PPFIA2: variants seen among roughly 807,000 people sequenced by gnomAD.
PPFIA2 encodes the protein liprin-alpha-2.
Under a neutral mutation model 175.5 loss-of-function variants are expected in PPFIA2, and 46 were observed. The ratio of observed to expected loss-of-function variants is 0.26; its 90% CI spans 0.21 to 0.34. The LOEUF (loss-of-function observed/expected upper bound fraction) is 0.34, where lower values mean the gene tolerates loss of function less well. Among genes scored for constraint, PPFIA2 ranks in the 10% least tolerant of loss-of-function variants. The pLI is 1.00. For missense variants in PPFIA2, 1,179 were observed against 1,506.1 expected, an observed-to-expected ratio of 0.78 and a Z score of 3.60; for synonymous variants, 568 against 511.4, an observed-to-expected ratio of 1.11 and a Z score of -1.49.
At position 81,708,078 on chromosome 12, in the gene PPFIA2, C is replaced by T. The variant is rs1427961253; in HGVS notation, c.250-31234G>A. Among the ~76,000 whole-genome samples the T allele has an allele frequency of 4.0e-5, 6 of 149,038 alleles. No individual in the cohort carries two copies. The East Asian group carries it at 6.0e-4, about 15-fold the overall frequency. On this transcript the variant is annotated intron_variant, in intron 3 of 32. Coordinates refer to ENST00000549396, the MANE Select transcript of PPFIA2 (RefSeq NM_003625.5). ...GGGAGATATACCTAATGCTAGATGACGAGTTAGTGGGTGCAGCGCACCAGC... is the reference window on the plus strand; with the variant it reads ...GGGAGATATACCTAATGCTAGATGATGAGTTAGTGGGTGCAGCGCACCAGC...
rs1351921071 is a variant in PPFIA2 at position 81,626,344 on chromosome 12, C to A, written c.303+50447G>T. Among the ~76,000 whole-genome samples the A allele has an allele frequency of 3.3e-5, 5 of 151,868 alleles. No homozygotes were observed. In the East Asian group the frequency reaches 9.7e-4, roughly 29 times the overall value. ...TATTTTCTTCTAAAGTGGCCTATTC[C>A]AACTTATAAAACCCCAAATTTTAAG... is the stretch of plus-strand genomic sequence containing the variant. On this transcript the variant is annotated intron_variant, in intron 4 of 32. Coordinates refer to ENST00000549396, the MANE Select transcript of PPFIA2 (RefSeq NM_003625.5).
chr12:81,356,416 A>G (rs1178570029), intron 16 of PPFIA2, among the ~76,000 whole-genome samples: 1 of 152,144 alleles, frequency 6.6e-6, no homozygotes, highest in Admixed American at 6.6e-5. Context: ...TAATCCCAGC[A>G]CTTTGGGAGG....
rs570828152 is a variant in PPFIA2 at position 81,462,291 on chromosome 12, A to G, written c.304-4425T>C. ...TATATATATATGTTAGAAAACATAT[A>G]TATATATATATGTTTTCTAAAAGAC... On this transcript the variant is annotated intron_variant, in intron 4 of 32. Transcript: ENST00000549396. Among the ~76,000 whole-genome samples the G allele has an allele frequency of 6.3e-5, 9 of 143,646 alleles. No homozygotes were observed. The East Asian group carries it at 1.4e-3, about 23-fold the overall frequency. The allele number at this position is 143,646 out of a possible 152,430, so 94.2% of individuals were successfully genotyped here.
chr12:81,546,141 A>T (rs555861730), intron 4 of PPFIA2: 1 of 153,194 alleles, frequency 6.5e-6, no homozygotes, highest in African/African-American at 2.4e-5. Context: ...AAAAAAAAAA[A>T]AAAAAATTCA....
chr12:81,388,396 A>G (rs1442772436), intron 8 of PPFIA2, among the ~76,000 whole-genome samples: 1 of 152,154 alleles, frequency 6.6e-6, no homozygotes, highest in Non-Finnish European at 1.5e-5. Context: ...GATACAAAAG[A>G]GTACATAATG....
chr12:81,699,543 C>T (rs977743906), intron 3 of PPFIA2, among the ~76,000 whole-genome samples: 2 of 118,808 alleles, frequency 1.7e-5, no homozygotes, highest in African/African-American at 5.2e-5. Flanking sequence ...TAATAATATC[C>T]TCTCTAAAAC....
At chr12:81,398,230 G>C (rs754504637) in intron 8 of PPFIA2, among the ~76,000 whole-genome samples, 5 of 152,000 alleles carry the variant, frequency 3.3e-5, no homozygotes, top group Non-Finnish European at 5.9e-5. Flanking sequence ...GCAAAGGAAA[G>C]AGCAGTAAAA....
At chr12:81,578,879 C>T (rs1423504752) in intron 4 of PPFIA2, among the ~76,000 whole-genome samples, 4 of 151,786 alleles carry the variant, frequency 2.6e-5, no homozygotes, top group African/African-American at 9.7e-5. Flanking sequence ...GTGATTGATA[C>T]ACCTCTTAAA....
chr12:81,698,996 C>T (rs894149857), intron 3 of PPFIA2, among the ~76,000 whole-genome samples: 1 of 152,040 alleles, frequency 6.6e-6, no homozygotes, highest in African/African-American at 2.4e-5. Flanking sequence ...TGAAAGCAGA[C>T]ATTTCTACTA....
chr12:81,318,388 T>C (rs1037254209), intron 22 of PPFIA2, among the ~76,000 whole-genome samples: 3 of 151,776 alleles, frequency 2.0e-5, no homozygotes, highest in African/African-American at 7.2e-5. Flanking sequence ...TTGCCTACCT[T>C]GTAGAAAGTT....
intron 4 of PPFIA2, among the ~76,000 whole-genome samples, chr12:81,492,205 AC>A (rs951492653): frequency 2.7e-4 from 41 of 151,874 alleles, no homozygotes; most frequent in African/African-American, 9.6e-4. Flanking sequence ...AAAAAAACCC[AC>A]AAAAAGTCTC....
At chr12:81,665,807 T>C (rs1350178437) in intron 4 of PPFIA2, among the ~76,000 whole-genome samples, 5 of 151,938 alleles carry the variant, frequency 3.3e-5, no homozygotes, top group Non-Finnish European at 5.9e-5. Context: ...CAAAAGAAAC[T>C]ACCATCAGAG....
chr12:81,287,707 G>C (rs1312861428), intron 24 of PPFIA2, among the ~76,000 whole-genome samples: 2 of 151,786 alleles, frequency 1.3e-5, no homozygotes, highest in Non-Finnish European at 2.9e-5. Context: ...CCACTTTAGG[G>C]GATGGAACTT....
chr12:81,350,646 TAAA>T (rs1281210713), intron 17 of PPFIA2, among the ~76,000 whole-genome samples: 1 of 152,090 alleles, frequency 6.6e-6, no homozygotes, highest in Non-Finnish European at 1.5e-5. Context: ...TAGACCATAT[TAAA>T]AAGTGTGGTT....
intron 24 of PPFIA2, among the ~76,000 whole-genome samples, chr12:81,290,763 T>C (rs566365984): frequency 1.3e-5 from 2 of 151,874 alleles, no homozygotes; most frequent in South Asian, 4.1e-4. Flanking sequence ...CAATTAAAGT[T>C]TAAAAGTATT....
At chr12:81,743,892 T>G (rs1395618230) in intron 3 of PPFIA2, among the ~76,000 whole-genome samples, 2 of 152,184 alleles carry the variant, frequency 1.3e-5, no homozygotes, top group Admixed American at 1.3e-4. Flanking sequence ...GCATAGAACC[T>G]GACACAGAAT....
chr12:81,664,610 AT>A (rs1361168726), intron 4 of PPFIA2, among the ~76,000 whole-genome samples: 1 of 152,090 alleles, frequency 6.6e-6, no homozygotes, highest in Admixed American at 6.5e-5. Context: ...TAGTTCAACC[AT>A]TGTGGAAGTC....
At chr12:81,382,356 T>C (rs1222035253) in intron 9 of PPFIA2, among the ~76,000 whole-genome samples, 2 of 152,054 alleles carry the variant, frequency 1.3e-5, no homozygotes, top group African/African-American at 4.8e-5. Context: ...GTAAGTAGAA[T>C]AGGTAGTCAC....
intron 23 of PPFIA2, chr12:81,298,469 T>A (rs1356792016): frequency 9.9e-5 from 15 of 152,218 alleles, no homozygotes. Flanking sequence ...AATTTTATAA[T>A]CCAAGACCAT....
Sources: allele counts gnomAD v4.1 joint callset (sites outside exome capture counted in the v4.1 genomes callset), GRCh38; gene constraint gnomAD v4.1.1; transcripts MANE v1.5; gene names NCBI Gene and HGNC (gene_info 2026-07-23, HGNC 2026-07-21).